The following TENM1 variants were observed in gnomAD, a reference collection of about 807,000 sequenced individuals.
TENM1 encodes teneurin-1.
In TENM1, 35 loss-of-function variants were observed where a neutral mutation model predicts 174.8. The observed-to-expected ratio is 0.20, with a 90% CI of 0.15 to 0.27. The LOEUF (loss-of-function observed/expected upper bound fraction) is 0.27. Ranked by LOEUF, TENM1 falls within the 10% of genes least tolerant of loss-of-function variation. The probability of loss-of-function intolerance (pLI) is 1.00; values close to 1 mark genes in which losing one functional copy is unlikely to be tolerated. For missense variants in TENM1, 1,633 were observed against 2,130.1 expected (o/e 0.77, Z 4.59); for synonymous variants, 781 against 798.7 (o/e 0.98, Z 0.37).
chrX:124,887,668 C>G (rs1190935234), intron 3 of TENM1, among the ~76,000 whole-genome samples: 1 of 111,253 alleles, frequency 9.0e-6, no homozygotes, highest in African/African-American at 3.3e-5. Context: ...ACAGTCACCA[C>G]AGAAGTGTCT....
chrX:124,657,302 T>G (rs73634532), intron 6 of TENM1, among the ~76,000 whole-genome samples: 2,959 of 111,725 alleles, frequency 0.026, 50 homozygotes, highest in African/African-American at 0.058. Flanking sequence ...CAATTTAGTT[T>G]GAGCTAAACA....
chrX:124,918,964 A>G (rs1231444446), intron 1 of TENM1, among the ~76,000 whole-genome samples: 2 of 112,143 alleles, frequency 1.8e-5, no homozygotes, highest in East Asian at 5.6e-4. Context: ...TTGTCTGAAC[A>G]TTGTCCTATG....
intron 14 of TENM1, among the ~76,000 whole-genome samples, chrX:124,550,303 C>T (rs1489533334): frequency 8.9e-6 from 1 of 111,931 alleles, no homozygotes; most frequent in Non-Finnish European, 1.9e-5. Flanking sequence ...CTTTCTAATC[C>T]TGAAAATGAA....
At chrX:124,386,896 A>G (rs2060225850) in intron 28 of TENM1, among the ~76,000 whole-genome samples, 1 of 109,027 alleles carries the variant, frequency 9.2e-6, no homozygotes, top group Non-Finnish European at 1.9e-5. Context: ...AAGGGTTTTA[A>G]GCAAGTTAAG....
At chrX:124,692,985 G>T (rs2052561766) in intron 5 of TENM1, among the ~76,000 whole-genome samples, 1 of 92,624 alleles carries the variant, frequency 1.1e-5, no homozygotes, top group Admixed American at 1.2e-4. Context: ...TCCAGCCTGG[G>T]CGACAAGAGT....
At chrX:124,901,378 T>C (rs1304280407) in intron 1 of TENM1, among the ~76,000 whole-genome samples, 1 of 111,875 alleles carries the variant, frequency 8.9e-6, no homozygotes, top group Non-Finnish European at 1.9e-5. Context: ...TAGGGGTTGA[T>C]CATCAGGTGT....
At chrX:124,400,489 G>T (rs1446368929) in intron 27 of TENM1, among the ~76,000 whole-genome samples, 2 of 112,154 alleles carry the variant, frequency 1.8e-5, no homozygotes, top group Non-Finnish European at 3.8e-5. Context: ...AAGTAAATTG[G>T]GAGAGTTTTA....
intron 23 of TENM1, among the ~76,000 whole-genome samples, chrX:124,443,317 C>A (rs1296970867): frequency 9.0e-6 from 1 of 110,696 alleles, no homozygotes; most frequent in Non-Finnish European, 1.9e-5. Context: ...CTGCTTGGGG[C>A]AGGTGGTATA....
At chrX:124,874,063 G>T (rs1271799934) in intron 3 of TENM1, among the ~76,000 whole-genome samples, 1 of 111,069 alleles carries the variant, frequency 9.0e-6, no homozygotes, top group African/African-American at 3.3e-5. Context: ...CTGATTTTTT[G>T]ATATTTCAAA....
chrX:124,687,002 C>T (rs868433769), intron 5 of TENM1, among the ~76,000 whole-genome samples: 3 of 111,240 alleles, frequency 2.7e-5, no homozygotes, highest in Admixed American at 9.6e-5. Context: ...GGACATGATC[C>T]TATATTTAGA....
the TENM1 span, among the ~76,000 whole-genome samples, chrX:125,144,241 A>G: frequency 8.9e-6 from 1 of 111,850 alleles, no homozygotes. Context: ...ATTGAATAAT[A>G]TAATTATAGT....
At chrX:124,756,512 G>C (rs2054249056) in intron 3 of TENM1, among the ~76,000 whole-genome samples, 2 of 111,593 alleles carry the variant, frequency 1.8e-5, no homozygotes, top group Non-Finnish European at 3.8e-5. Context: ...TCTCCATCCA[G>C]CTTTGTTCCG....
chrX:124,436,531 T>C (rs1246924129), intron 23 of TENM1, among the ~76,000 whole-genome samples: 1 of 108,588 alleles, frequency 9.2e-6, no homozygotes, highest in Non-Finnish European at 1.9e-5. Flanking sequence ...TCTCACTCTG[T>C]CGCCCAGGCT....
Position 124,748,788 on chromosome X carries a change from A to G in TENM1, c.536-11591T>C, listed in dbSNP as rs1212456480. On this transcript the variant is annotated intron_variant, in intron 3 of 31. Transcript: ENST00000422452. ...AATCACAGCTCTGTCATTTACTATC[A>G]GTTTGCTATAAACCTTTTCAAGCCT... 3.6e-5 allele frequency among the ~76,000 whole-genome samples: 4 copies of G among 112,379 alleles called. No individual in the cohort carries two copies. The East Asian group carries it at 1.1e-3, about 31-fold the overall frequency.
the TENM1 span, among the ~76,000 whole-genome samples, chrX:125,172,922 T>C: frequency 8.9e-6 from 1 of 111,773 alleles, no homozygotes; most frequent in East Asian, 2.8e-4. Context: ...GAACCAATTT[T>C]AATTTATATT....
chrX:124,675,845 G>C (rs781194578), intron 5 of TENM1, among the ~76,000 whole-genome samples: 4 of 110,225 alleles, frequency 3.6e-5, no homozygotes, highest in African/African-American at 1.3e-4. Flanking sequence ...GTCAGAGAAG[G>C]CCTCTTGGAG....
At chrX:124,680,151 A>G (rs1319992932) in intron 5 of TENM1, among the ~76,000 whole-genome samples, 1 of 111,787 alleles carries the variant, frequency 8.9e-6, no homozygotes, top group African/African-American at 3.2e-5. Context: ...GCCAATTAAG[A>G]AAAGATTGAG....
intron 18 of TENM1, among the ~76,000 whole-genome samples, chrX:124,519,988 G>A (rs767698394): frequency 8.9e-6 from 1 of 111,940 alleles, no homozygotes; most frequent in African/African-American, 3.2e-5. Context: ...TAAGGTCCCT[G>A]CTATCTATAA....
the TENM1 span, among the ~76,000 whole-genome samples, chrX:124,971,154 G>A: frequency 1.5e-5 from 1 of 66,059 alleles, no homozygotes; most frequent in East Asian, 6.2e-4. Flanking sequence ...GGGGAGGGGG[G>A]AGGGATAGCA....
Sources: allele counts gnomAD v4.1 joint callset (sites outside exome capture counted in the v4.1 genomes callset), GRCh38; gene constraint gnomAD v4.1.1; transcripts MANE v1.5; gene names NCBI Gene and HGNC (gene_info 2026-07-23, HGNC 2026-07-21).